ERC2: variants seen among roughly 807,000 people sequenced by gnomAD.
ERC2 encodes the protein ELKS/RAB6-interacting/CAST family member 2, also known as ERC protein 2.
In ERC2, 42 loss-of-function variants were observed where a neutral mutation model predicts 114.8. The ratio of observed to expected loss-of-function variants is 0.37; its 90% CI spans 0.29 to 0.47. The LOEUF (loss-of-function observed/expected upper bound fraction) is 0.47, where lower values mean the gene tolerates loss of function less well. ERC2 is among the 20% of genes least tolerant of loss of function. The pLI, the probability that ERC2 is intolerant of heterozygous loss-of-function variation, is 0.99. For synonymous variants in ERC2, 454 were observed against 425.5 expected (o/e 1.07, Z -0.82); for missense variants, 939 against 1,150.7 (o/e 0.82, Z 2.66).
At chr3:56,081,193 T>TAAA (rs35897220) in intron 6 of ERC2, among the ~76,000 whole-genome samples, 11 of 150,472 alleles carry the variant, frequency 7.3e-5, no homozygotes, top group Non-Finnish European at 1.3e-4. Context: ...AGTGATACTT[T>TAAA]AAAAAAAAAA....
intron 6 of ERC2, among the ~76,000 whole-genome samples, chr3:56,111,423 T>C (rs545361517): frequency 3.3e-5 from 5 of 150,084 alleles, no homozygotes; most frequent in South Asian, 4.2e-4. Flanking sequence ...TATCCCCCCC[T>C]CTCTCTCACC....
chr3:55,869,623 A>G (rs1391305811), intron 14 of ERC2, among the ~76,000 whole-genome samples: 1 of 152,052 alleles, frequency 6.6e-6, no homozygotes, highest in Non-Finnish European at 1.5e-5. Flanking sequence ...ACTCCTTCCC[A>G]TCTGGAAAGC....
chr3:55,978,431 A>G (rs2069773919), intron 12 of ERC2, among the ~76,000 whole-genome samples: 1 of 152,176 alleles, frequency 6.6e-6, no homozygotes, highest in Non-Finnish European at 1.5e-5. Flanking sequence ...AAATCTCTCA[A>G]TGGCTTGGGA....
intron 14 of ERC2, among the ~76,000 whole-genome samples, chr3:55,750,752 G>A (rs1238380630): frequency 1.3e-5 from 2 of 152,202 alleles, no homozygotes; most frequent in Non-Finnish European, 2.9e-5. Flanking sequence ...AGGAAGAAAT[G>A]TGGTCAAATA....
At chr3:55,902,776 G>GT (rs1489038571) in intron 13 of ERC2, among the ~76,000 whole-genome samples, 1 of 152,122 alleles carries the variant, frequency 6.6e-6, no homozygotes, top group African/African-American at 2.4e-5. Context: ...TGGGCTCCTA[G>GT]GACCAGTTAC....
intron 2 of ERC2, among the ~76,000 whole-genome samples, chr3:56,337,460 C>T (rs1373490245): frequency 1.3e-5 from 2 of 152,290 alleles, no homozygotes; most frequent in Middle Eastern, 3.4e-3. Context: ...TCCTCAGGGT[C>T]CTCATTTGCA....
chr3:56,051,509 T>C (rs2075764053), intron 7 of ERC2, among the ~76,000 whole-genome samples: 1 of 152,152 alleles, frequency 6.6e-6, no homozygotes, highest in Non-Finnish European at 1.5e-5. Flanking sequence ...AAAGTCGTTT[T>C]CAGTGTTTCT....
intron 2 of ERC2, among the ~76,000 whole-genome samples, chr3:56,352,167 T>A (rs1359980294): frequency 1.3e-5 from 2 of 152,060 alleles, no homozygotes; most frequent in African/African-American, 4.8e-5. Context: ...AAAATAAAAA[T>A]CTAGAGACAA....
intron 8 of ERC2, 41 bp from the exon 9 acceptor site, chr3:56,010,630 C>T (rs1398623952): frequency 1.9e-6 from 3 of 1,599,520 alleles, no homozygotes; most frequent in Admixed American, 1.7e-5. Flanking sequence ...GAGAACCCAT[C>T]AGTGTATATG....
At chr3:55,941,051 A>G (rs1201498904) in intron 13 of ERC2, among the ~76,000 whole-genome samples, 1 of 152,168 alleles carries the variant, frequency 6.6e-6, no homozygotes, top group Non-Finnish European at 1.5e-5. Context: ...CAATCTTCTT[A>G]TCTGTAAAGT....
At chr3:56,378,859 T>C (rs905453765) in intron 2 of ERC2, among the ~76,000 whole-genome samples, 1 of 152,176 alleles carries the variant, frequency 6.6e-6, no homozygotes, top group Non-Finnish European at 1.5e-5. Context: ...TGTACCTCCA[T>C]TCGAGAACCC....
At chr3:56,261,458 C>T (rs2150262560) in intron 3 of ERC2, among the ~76,000 whole-genome samples, 1 of 152,268 alleles carries the variant, frequency 6.6e-6, no homozygotes, top group South Asian at 2.1e-4. Flanking sequence ...TACCTTTCAC[C>T]CTGAACTTCC....
intron 2 of ERC2, among the ~76,000 whole-genome samples, chr3:56,414,978 G>A (rs73077738): frequency 0.06 from 9,154 of 152,326 alleles, 362 homozygotes; most frequent in South Asian, 0.17. Flanking sequence ...AAGGTAAGCA[G>A]CAATGCTTAG....
intron 14 of ERC2, among the ~76,000 whole-genome samples, chr3:55,820,665 G>A (rs1039602809): frequency 7.2e-5 from 11 of 152,156 alleles, no homozygotes; most frequent in Admixed American, 4.6e-4. Flanking sequence ...GTTACACAGC[G>A]AGTAAGTAGT....
chr3:56,095,717 G>A (rs1306637121), intron 6 of ERC2, among the ~76,000 whole-genome samples: 2 of 152,182 alleles, frequency 1.3e-5, no homozygotes, highest in African/African-American at 2.4e-5. Context: ...GAGAAATCTA[G>A]TTAGGCCCAG....
intron 17 of ERC2, chr3:55,610,811 T>C (rs987576667): frequency 1.3e-5 from 2 of 152,230 alleles, no homozygotes; most frequent in Admixed American, 6.5e-5. Context: ...TAATTTTATC[T>C]AAACACTGGC....
At chr3:56,414,802 C>T (rs771853941) in intron 2 of ERC2, among the ~76,000 whole-genome samples, 1 of 152,092 alleles carries the variant, frequency 6.6e-6, no homozygotes, top group African/African-American at 2.4e-5. Flanking sequence ...CTGTCTCTCC[C>T]CCCAGGTACA....
chr3:56,375,797 A>C (rs945461458), intron 2 of ERC2, among the ~76,000 whole-genome samples: 1 of 152,166 alleles, frequency 6.6e-6, no homozygotes, highest in African/African-American at 2.4e-5. Context: ...ATTGAACAGA[A>C]AGTAGGAAGT....
In ERC2 at chr3:56,148,967, T is replaced by C. The variant is rs201883951; in HGVS notation, c.1305+10A>G. ...TTAAGAACATAAAAGTTTATAACCC[T>C]GGACCGTACCTTGGTCTTCATAAAC... On this transcript the variant is annotated intron_variant, in intron 5 of 17. Transcript: ENST00000288221. 530 of 1,612,748 alleles carry C rather than the reference T, an allele frequency of 3.3e-4. 1 individual carries two copies. In the African/African-American group the frequency reaches 6.2e-3, roughly 19 times the overall value.
Sources: allele counts gnomAD v4.1 joint callset (sites outside exome capture counted in the v4.1 genomes callset), GRCh38; gene constraint gnomAD v4.1.1; transcripts MANE v1.5; gene names NCBI Gene and HGNC (gene_info 2026-07-23, HGNC 2026-07-21).